The following ROBO2 variants were observed in gnomAD, a reference collection of about 807,000 sequenced individuals.
ROBO2 encodes roundabout homolog 2.
In ROBO2, 53 loss-of-function variants were observed where a neutral mutation model predicts 160.8. The ratio of observed to expected loss-of-function variants is 0.33; its 90% CI spans 0.26 to 0.41. The LOEUF (loss-of-function observed/expected upper bound fraction) is 0.41. Among genes scored for constraint, ROBO2 ranks in the 10% least tolerant of loss-of-function variants. The pLI, the probability that ROBO2 is intolerant of heterozygous loss-of-function variation, is 1.00. For missense variants in ROBO2, 1,577 were observed against 1,722.4 expected, an observed-to-expected ratio of 0.92 and a Z score of 1.49; for synonymous variants, 664 against 611.7, an observed-to-expected ratio of 1.09 and a Z score of -1.26.
chr3:76,462,288 C>T (rs552756135), intron 2 of ROBO2, among the ~76,000 whole-genome samples: 4 of 151,984 alleles, frequency 2.6e-5, no homozygotes, highest in African/African-American at 4.8e-5. Flanking sequence ...GCTTACTCAC[C>T]GAGCTCTTTC....
chr3:77,580,559 G>A (rs562435174), intron 16 of ROBO2, among the ~76,000 whole-genome samples: 24 of 152,188 alleles, frequency 1.6e-4, no homozygotes, highest in African/African-American at 5.8e-4. Context: ...TCCCAAAGAA[G>A]AAATCATATT....
intron 2 of ROBO2, among the ~76,000 whole-genome samples, chr3:77,177,571 A>G (rs964055027): frequency 8.6e-5 from 13 of 151,788 alleles, no homozygotes; most frequent in Admixed American, 2.6e-4. Context: ...ATATTTTTTT[A>G]TTTGTATTAC....
intron 2 of ROBO2, among the ~76,000 whole-genome samples, chr3:75,938,135 T>C (rs769910899): frequency 3.9e-5 from 6 of 151,978 alleles, no homozygotes; most frequent in Admixed American, 6.6e-5. Context: ...CCGCCAAGTG[T>C]ATTTAGGGGA....
At chr3:76,533,876 T>A (rs531862717) in intron 2 of ROBO2, among the ~76,000 whole-genome samples, 1 of 152,034 alleles carries the variant, frequency 6.6e-6, no homozygotes, top group South Asian at 2.1e-4. Context: ...CGAGTCATAG[T>A]GGTGGAAGGT....
At chr3:77,595,789 C>T (rs896269853) in intron 18 of ROBO2, among the ~76,000 whole-genome samples, 1 of 152,088 alleles carries the variant, frequency 6.6e-6, no homozygotes, top group African/African-American at 2.4e-5. Flanking sequence ...GTGGATGTAG[C>T]AAGAAAGCGG....
intron 2 of ROBO2, among the ~76,000 whole-genome samples, chr3:76,412,304 G>A (rs1205487788): frequency 6.6e-6 from 1 of 152,150 alleles, no homozygotes; most frequent in Non-Finnish European, 1.5e-5. Context: ...AGGTTTCAAT[G>A]GAAACACAGC....
chr3:77,122,884 T>C (rs1177051098), intron 2 of ROBO2, among the ~76,000 whole-genome samples: 1 of 152,212 alleles, frequency 6.6e-6, no homozygotes, highest in Non-Finnish European at 1.5e-5. Flanking sequence ...CTAATGGTGT[T>C]TGAGTCAACG....
chr3:77,010,681 G>A (rs1207060660), intron 2 of ROBO2, among the ~76,000 whole-genome samples: 2 of 151,978 alleles, frequency 1.3e-5, no homozygotes, highest in Non-Finnish European at 2.9e-5. Context: ...TCCTCTCAGC[G>A]CTTGTTTTTC....
chr3:77,412,357 T>G (rs2076873693), intron 2 of ROBO2, among the ~76,000 whole-genome samples: 1 of 152,180 alleles, frequency 6.6e-6, no homozygotes, highest in Non-Finnish European at 1.5e-5. Flanking sequence ...TCTAAGCCAG[T>G]ATATCTAAGT....
At chr3:76,837,243 G>C (rs752310108) in intron 2 of ROBO2, among the ~76,000 whole-genome samples, 3 of 151,814 alleles carry the variant, frequency 2.0e-5, no homozygotes, top group African/African-American at 7.2e-5. Context: ...TTGATAGGTA[G>C]CACAAACACT....
chr3:76,993,661 A>T (rs576753147), intron 2 of ROBO2, among the ~76,000 whole-genome samples: 1 of 152,244 alleles, frequency 6.6e-6, no homozygotes, highest in South Asian at 2.1e-4. Context: ...CAGGAAGAAG[A>T]AAAGGAAAGT....
chr3:77,325,471 T>G (rs1291760941), intron 2 of ROBO2, among the ~76,000 whole-genome samples: 3 of 152,232 alleles, frequency 2.0e-5, no homozygotes, highest in Admixed American at 2.0e-4. Context: ...AAGCTGCTGC[T>G]GTCTGGTGCC....
In ROBO2 at chr3:77,373,123, A is replaced by G. The variant is rs565465007; in HGVS notation, c.389-104291A>G. On this transcript the variant is annotated intron_variant, in intron 2 of 25. Transcript: ENST00000461745. Reference sequence around the variant, plus strand: ...TATAATATTTTAAAATTATTATAAAAGTTATAAAATTATTATAAAAATTAT... The same window carrying G: ...TATAATATTTTAAAATTATTATAAAGGTTATAAAATTATTATAAAAATTAT... Among the ~76,000 whole-genome samples the G allele has an allele frequency of 2.0e-3, 292 of 147,192 alleles. 2 individuals are homozygous for G. Among genetic ancestry groups the G allele is most frequent in the African/African-American group, 6.8e-3 (278 of 40,900 alleles).
rs1553908709 is a variant in ROBO2 at position 77,322,906 on chromosome 3, T to TTA, written c.389-154505_389-154504dup. The stretch of plus-strand genomic sequence containing the variant: ...TATTATATTATACATATATTATGTA[T>TTA]TATAATATATTATATATTATGGATA... On this transcript the variant is annotated intron_variant, in intron 2 of 25. Transcript: ENST00000461745. Among the ~76,000 whole-genome samples, 23 of 45,218 alleles carry TTA rather than the reference T, an allele frequency of 5.1e-4. 1 individual carries two copies. The East Asian group carries it at 0.011, about 22-fold the overall frequency. 29.7% of individuals were successfully genotyped at this position (45,218 alleles called of 152,430 possible).
intron 2 of ROBO2, among the ~76,000 whole-genome samples, chr3:76,151,962 CAT>C (rs2072226055): frequency 6.6e-6 from 1 of 152,154 alleles, no homozygotes; most frequent in South Asian, 2.1e-4. Context: ...TCTCACTAGA[CAT>C]AAAATACTAT....
chr3:76,672,196 A>C (rs188074147), intron 2 of ROBO2, among the ~76,000 whole-genome samples: 1 of 152,228 alleles, frequency 6.6e-6, no homozygotes, highest in Admixed American at 6.5e-5. Flanking sequence ...TTGTGGGCTA[A>C]GATAATTTCA....
intron 2 of ROBO2, among the ~76,000 whole-genome samples, chr3:77,448,268 G>A (rs2080766119): frequency 6.6e-6 from 1 of 152,054 alleles, no homozygotes; most frequent in South Asian, 2.1e-4. Context: ...TTTTGAAGTT[G>A]AAATTACTAT....
intron 2 of ROBO2, among the ~76,000 whole-genome samples, chr3:76,402,340 C>T (rs531092837): frequency 2.8e-4 from 42 of 151,616 alleles, no homozygotes; most frequent in Middle Eastern, 3.4e-3. Flanking sequence ...GGAAATGATG[C>T]TTGACGACAT....
chr3:75,988,799 GTTACTGATTTTTAAC>G (rs1288762439), intron 2 of ROBO2, among the ~76,000 whole-genome samples: 2 of 151,770 alleles, frequency 1.3e-5, no homozygotes, highest in African/African-American at 4.8e-5. Context: ...TTCTCCCTCT[GTTACTGATTTTTAAC>G]TTCATCCTGT....
Sources: gnomAD v4.1 joint callset for allele counts (sites outside exome capture counted in the v4.1 genomes callset) on GRCh38, gnomAD v4.1.1 for gene constraint, MANE v1.5 for transcripts, NCBI Gene and HGNC (gene_info 2026-07-23, HGNC 2026-07-21) for gene names.